Variants in VIT observed in about 807,000 individuals in gnomAD.
VIT encodes the protein vitrin.
Under a neutral mutation model 78.0 loss-of-function variants are expected in VIT, and 99 were observed. The observed-to-expected ratio is 1.27, with a 90% confidence interval of 1.08 to 1.50. VIT has a LOEUF of 1.50. Among genes scored for constraint, VIT ranks in the 40% most tolerant of loss-of-function variants. The pLI, the probability that VIT is intolerant of heterozygous loss-of-function variation, is 0.00. For missense variants in VIT, 1,126 were observed against 875.3 expected, an observed-to-expected ratio of 1.29 and a Z score of -3.61; for synonymous variants, 374 against 334.3, an observed-to-expected ratio of 1.12 and a Z score of -1.29.
At chr2:36,775,978 C>T (rs1670023634) in intron 9 of VIT, among the ~76,000 whole-genome samples, 1 of 152,192 alleles carries the variant, frequency 6.6e-6, no homozygotes, top group South Asian at 2.1e-4. Flanking sequence ...GCAAGCTGCC[C>T]AGTTCCTCAG....
chr2:36,809,034 CT>C (rs1361995614), intron 15 of VIT, 49 bp downstream of exon 15: 1 of 1,519,852 alleles, frequency 6.6e-7, no homozygotes, highest in Non-Finnish European at 8.8e-7. Flanking sequence ...CTTTCTGGGG[CT>C]TGGTGGGCCA....
At chr2:36,745,041 C>A (rs1668054781) in intron 4 of VIT, among the ~76,000 whole-genome samples, 1 of 152,070 alleles carries the variant, frequency 6.6e-6, no homozygotes, top group Non-Finnish European at 1.5e-5. Flanking sequence ...TATGGATAGC[C>A]AGTTATCCCC....
intron 6 of VIT, among the ~76,000 whole-genome samples, chr2:36,761,584 C>A (rs1572492669): frequency 6.6e-6 from 1 of 151,872 alleles, no homozygotes; most frequent in Non-Finnish European, 1.5e-5. Context: ...ACTAAAAATA[C>A]GAAAAATTAG....
At position 36,801,379 on chromosome 2, in the gene VIT, TCA is replaced by T; in HGVS notation, c.1138_1139del (p.Gln380GlufsTer6). The T allele has an allele frequency of 6.2e-7, 1 of 1,613,872 alleles. No individual in the cohort carries two copies. Among genetic ancestry groups the T allele is most frequent in the Non-Finnish European group, 8.5e-7 (1 of 1,179,860 alleles). On this transcript the variant is annotated frameshift_variant, in exon 13 of 16. Transcript: ENST00000379242. LOFTEE classifies it high-confidence loss of function. ...DLKTAIEKIT[Q>X]RGGLSNVGRA... The stretch of plus-strand genomic sequence containing the variant: ...TGAAGACAGCCATAGAGAAAATTAC[TCA>T]GAGAGGAGGACTTTCTAATGTAGGT...
Position 36,758,968 on chromosome 2 carries a change from GAAAGTAAACCCAA to G in VIT, c.414_426del (p.Ser138ArgfsTer3). Reference sequence around the variant, plus strand: ...TCGTTTTTTTTTTCTCTTTTTTGCAGAAAGTAAACCCAAAAAGGGTGTAACCTACCCATCAGCT... The same window carrying G: ...TCGTTTTTTTTTTCTCTTTTTTGCAGAAAGGGTGTAACCTACCCATCAGCT... On this transcript the variant is annotated frameshift_variant and splice_region_variant, in exon 6 of 16. Transcript: ENST00000379242. LOFTEE classifies it high-confidence loss of function. 1 of 1,604,844 alleles carries G rather than the reference GAAAGTAAACCCAA, an allele frequency of 6.2e-7. No individual in the cohort carries two copies. Among genetic ancestry groups the G allele is most frequent in the Non-Finnish European group, 8.5e-7 (1 of 1,177,390 alleles).
chr2:36,732,433 G>T (rs1667266816), intron 3 of VIT, among the ~76,000 whole-genome samples: 1 of 152,174 alleles, frequency 6.6e-6, no homozygotes, highest in South Asian at 2.1e-4. Context: ...AAGATACAAT[G>T]AAGGTAATTG....
At chr2:36,778,837 C>G (rs751545818) in intron 9 of VIT, among the ~76,000 whole-genome samples, 1 of 152,196 alleles carries the variant, frequency 6.6e-6, no homozygotes, top group Non-Finnish European at 1.5e-5. Flanking sequence ...AGAAATTCTG[C>G]TGGTCCAGAT....
At chr2:36,765,551 A>C (rs1190313378) in intron 6 of VIT, among the ~76,000 whole-genome samples, 2 of 152,090 alleles carry the variant, frequency 1.3e-5, no homozygotes, top group African/African-American at 4.8e-5. Context: ...CTTCCACCTC[A>C]TCCCTCCCTT....
Position 36,730,730 on chromosome 2 carries a change from G to T in VIT, c.118+1239G>T, listed in dbSNP as rs941307278. 3.3e-5 allele frequency among the ~76,000 whole-genome samples: 5 copies of T among 152,210 alleles called. No homozygotes were observed. In the East Asian group the frequency reaches 5.8e-4, roughly 18 times the overall value. On this transcript the variant is annotated intron_variant, in intron 3 of 15. Transcript: ENST00000379242. ...ATGAGGATAAGCTGGACATTGAAGG[G>T]TGAGGAGGGCTGAGACGAATTTTAT...
rs775746104 is a variant in VIT, at chr2:36,758,946, T to C, written c.410-23T>C. On this transcript the variant is annotated intron_variant, in intron 5 of 15. Coordinates refer to ENST00000379242, the MANE Select transcript of VIT (RefSeq NM_053276.4). The stretch of plus-strand genomic sequence containing the variant: ...CCTCTAGCTCTAGAAATAAATCTCG[T>C]TTTTTTTTTCTCTTTTTTGCAGAAA... The C allele has an allele frequency of 1.9e-6, 3 of 1,541,158 alleles. No homozygotes were observed. The East Asian group carries it at 6.8e-5, about 35-fold the overall frequency.
intron 4 of VIT, among the ~76,000 whole-genome samples, chr2:36,747,738 T>G (rs1366065342): frequency 6.6e-6 from 1 of 152,208 alleles, no homozygotes; most frequent in Non-Finnish European, 1.5e-5. Flanking sequence ...TTGGAGCATT[T>G]AGACCATTTA....
At chr2:36,718,584 C>T (rs1251293018) in intron 2 of VIT, among the ~76,000 whole-genome samples, 1 of 152,218 alleles carries the variant, frequency 6.6e-6, no homozygotes, top group Non-Finnish European at 1.5e-5. Flanking sequence ...GAAAAGGCCA[C>T]AAACAATGCC....
intron 9 of VIT, among the ~76,000 whole-genome samples, chr2:36,780,583 C>A (rs946492796): frequency 6.6e-6 from 1 of 152,198 alleles, no homozygotes; most frequent in African/African-American, 2.4e-5. Flanking sequence ...CAAGGTCACA[C>A]ACCTGGTTAA....
At position 36,814,582 on chromosome 2, in the gene VIT, T is replaced by A; in HGVS notation, c.*221T>A. 1 of 545,404 alleles carries A rather than the reference T, an allele frequency of 1.8e-6. No individual in the cohort carries two copies. Among genetic ancestry groups the A allele is most frequent in the Non-Finnish European group, 3.1e-6 (1 of 319,794 alleles). The allele number at this position is 545,404 out of a possible 1,614,324, so 33.8% of individuals were successfully genotyped here. ...TAGAATGAGCCAAAAGGCTACATCA[T>A]GTTGAGGGTGCTGGAGATTTTACAT... is the stretch of plus-strand genomic sequence containing the variant. On this transcript the variant is annotated 3_prime_UTR_variant, in exon 16 of 16. Coordinates refer to ENST00000379242, the MANE Select transcript of VIT (RefSeq NM_053276.4).
At chr2:36,787,683 G>A (rs1239291898) in intron 12 of VIT, 1 of 341,612 alleles carries the variant, frequency 2.9e-6, no homozygotes, top group Non-Finnish European at 5.7e-6. Context: ...TACAGCATTT[G>A]TTTGAGGGAC....
Position 36,730,746 on chromosome 2 carries a change from C to T in VIT, c.118+1255C>T, listed in dbSNP as rs563038589. Among the ~76,000 whole-genome samples the T allele has an allele frequency of 1.2e-4, 19 of 152,234 alleles. No homozygotes were observed. The South Asian group carries it at 3.5e-3, about 28-fold the overall frequency. On this transcript the variant is annotated intron_variant, in intron 3 of 15. Coordinates refer to ENST00000379242, the MANE Select transcript of VIT (RefSeq NM_053276.4). ...CATTGAAGGGTGAGGAGGGCTGAGA[C>T]GAATTTTATCGAGTGAGGGAACAAC... is the stretch of plus-strand genomic sequence containing the variant.
chr2:36,732,339 G>C (rs1432909681), intron 3 of VIT, among the ~76,000 whole-genome samples: 1 of 152,166 alleles, frequency 6.6e-6, no homozygotes, highest in Admixed American at 6.5e-5. Context: ...AATCTCCCTA[G>C]TGATGCAGCG....
At chr2:36,707,965 A>T (rs1012534911) in intron 1 of VIT, among the ~76,000 whole-genome samples, 7 of 152,140 alleles carry the variant, frequency 4.6e-5, no homozygotes, top group African/African-American at 1.7e-4. Context: ...CTTTCACAGA[A>T]TCCTGGGGGA....
At position 36,754,858 on chromosome 2, in the gene VIT, C is replaced by G. The variant is rs879062286; in HGVS notation, c.276-63C>G. On this transcript the variant is annotated intron_variant, in intron 4 of 15. Transcript: ENST00000379242. ...ATAAAGATGGCGACTGGTTTTCTAG[C>G]CTGTTGATCACGTCAAAAAATATTT... 1.0e-5 allele frequency: 16 copies of G among 1,553,402 alleles called. No individual in the cohort carries two copies. In the East Asian group the frequency reaches 3.7e-4, roughly 36 times the overall value.
Sources: allele counts gnomAD v4.1 joint callset (sites outside exome capture counted in the v4.1 genomes callset), GRCh38; gene constraint gnomAD v4.1.1; transcripts MANE v1.5; gene names NCBI Gene and HGNC (gene_info 2026-07-23, HGNC 2026-07-21).